The following DNAH7 variants were observed in gnomAD, a reference collection of about 807,000 sequenced individuals.
DNAH7 encodes the protein dynein axonemal heavy chain 7.
A neutral mutation model predicts 444.6 loss-of-function variants in DNAH7; 397 were observed. The observed-to-expected ratio is 0.89, with a 90% confidence interval of 0.82 to 0.97. The LOEUF (loss-of-function observed/expected upper bound fraction) is 0.97. Among genes scored for constraint, DNAH7 ranks in the 50% least tolerant of loss-of-function variants. DNAH7 has a pLI of 0.00. For synonymous variants in DNAH7, 1,636 were observed against 1,624.4 expected, an observed-to-expected ratio of 1.01 and a Z score of -0.17; for missense variants, 4,902 against 4,800.8, an observed-to-expected ratio of 1.02 and a Z score of -0.62.
At chr2:195,828,660 T>G (rs1697911399) in intron 48 of DNAH7, among the ~76,000 whole-genome samples, 1 of 150,210 alleles carries the variant, frequency 6.7e-6, no homozygotes. Context: ...TCCTTTCCCA[T>G]CAAAGGACTA....
chr2:195,790,461 T>A (rs1695826952), intron 57 of DNAH7, among the ~76,000 whole-genome samples: 1 of 143,442 alleles, frequency 7.0e-6, no homozygotes, highest in African/African-American at 2.6e-5. Context: ...AGCATGGTAC[T>A]GGTTAAAAAA....
At chr2:195,916,338 T>G (rs1417204274) in intron 24 of DNAH7, among the ~76,000 whole-genome samples, 1 of 152,196 alleles carries the variant, frequency 6.6e-6, no homozygotes, top group African/African-American at 2.4e-5. Context: ...TTCTTTTCTT[T>G]TTTTTGAGAC....
At chr2:195,833,923 G>T (rs73062489) in intron 48 of DNAH7, among the ~76,000 whole-genome samples, 9,566 of 152,020 alleles carry the variant, frequency 0.063, 414 homozygotes, top group African/African-American at 0.12. Context: ...CCTGGCTAAT[G>T]TCTGTATTTT....
Position 195,737,887 on chromosome 2 carries a change from C to T in DNAH7, c.*34G>A, listed in dbSNP as rs1559058872. On this transcript the variant is annotated 3_prime_UTR_variant, in exon 65 of 65. Coordinates refer to ENST00000312428, the MANE Select transcript of DNAH7 (RefSeq NM_018897.3). ...ATGCTTTCTCTACTCAGCCAGCCAA[C>T]AAGAAATAGGAACAAGGAAATGATG... The T allele has an allele frequency of 6.5e-7, 1 of 1,541,984 alleles. No homozygotes were observed. Among genetic ancestry groups the T allele is most frequent in the South Asian group, 1.1e-5 (1 of 87,238 alleles).
At chr2:195,855,123 C>G (rs1250292663) in intron 45 of DNAH7, among the ~76,000 whole-genome samples, 1 of 152,146 alleles carries the variant, frequency 6.6e-6, no homozygotes, top group Non-Finnish European at 1.5e-5. Flanking sequence ...ATCATTACTT[C>G]CCTCAAAAGG....
intron 5 of DNAH7, among the ~76,000 whole-genome samples, chr2:196,030,728 A>G (rs1470618173): frequency 1.3e-5 from 2 of 152,226 alleles, no homozygotes; most frequent in Non-Finnish European, 2.9e-5. Flanking sequence ...AAAATTTTAA[A>G]GCTCCAAAAT....
Position 195,884,690 on chromosome 2 carries a change from T to C in DNAH7, c.5658A>G (p.Arg1886=). The change falls in exon 35 of 65, where the codon CGA becomes CGG. Residue 1886 remains arginine, a synonymous_variant. Transcript: ENST00000312428. ...TACCACTCTGTAATTTAAACGTATT[T>C]CGAGTTCGATCTGAAATTGGACTTT... ...LMESPISDRT[R]NTFKLQSGTE... The C allele has an allele frequency of 6.2e-7, 1 of 1,614,210 alleles. No homozygotes were observed. Among genetic ancestry groups the C allele is most frequent in the Non-Finnish European group, 8.5e-7 (1 of 1,180,010 alleles).
intron 17 of DNAH7, among the ~76,000 whole-genome samples, chr2:195,966,335 T>A (rs1252940175): frequency 2.6e-5 from 4 of 152,204 alleles, no homozygotes; most frequent in South Asian, 2.1e-4. Context: ...TTTCCTTTTT[T>A]AAAATGTTTT....
intron 47 of DNAH7, among the ~76,000 whole-genome samples, chr2:195,844,257 A>C (rs908495156): frequency 2.6e-5 from 4 of 152,202 alleles, no homozygotes; most frequent in African/African-American, 9.7e-5. Flanking sequence ...CCTAACAATT[A>C]GTCAAAATAG....
chr2:195,760,890 T>C (rs779173314), intron 61 of DNAH7, among the ~76,000 whole-genome samples: 5 of 151,516 alleles, frequency 3.3e-5, no homozygotes, highest in Non-Finnish European at 7.4e-5. Flanking sequence ...CTGACAAACA[T>C]CCACAAGCAT....
intron 57 of DNAH7, among the ~76,000 whole-genome samples, chr2:195,793,805 A>T (rs1696007520): frequency 6.6e-6 from 1 of 152,232 alleles, no homozygotes; most frequent in South Asian, 2.1e-4. Context: ...AACGCTGTGA[A>T]ACAATTTTAG....
In DNAH7 at chr2:195,760,272, G is replaced by A. The variant is rs997591861; in HGVS notation, c.11434-3987C>T. ...GCAGCAGTAGAACAGAGCACCAGGT[G>A]AATTCTTAAGGTTTCAGGCTGTAGG... On this transcript the variant is annotated intron_variant, in intron 61 of 64. Transcript: ENST00000312428. 9.9e-5 allele frequency among the ~76,000 whole-genome samples: 15 copies of A among 151,418 alleles called. No individual in the cohort carries two copies. The East Asian group carries it at 2.9e-3, about 29-fold the overall frequency.
chr2:195,831,300 G>A (rs1374880194), intron 48 of DNAH7, among the ~76,000 whole-genome samples: 1 of 152,098 alleles, frequency 6.6e-6, no homozygotes, highest in Non-Finnish European at 1.5e-5. Context: ...TTTCAAAGAG[G>A]ATCTTATCAT....
At chr2:195,884,079 T>C (rs1701572953) in intron 35 of DNAH7, among the ~76,000 whole-genome samples, 1 of 148,218 alleles carries the variant, frequency 6.7e-6, no homozygotes, top group Non-Finnish European at 1.5e-5. Flanking sequence ...TTAAATAACA[T>C]ATATTCCTAA....
At chr2:195,911,682 T>C (rs1260749208) in intron 24 of DNAH7, among the ~76,000 whole-genome samples, 2 of 152,160 alleles carry the variant, frequency 1.3e-5, no homozygotes, top group Non-Finnish European at 2.9e-5. Flanking sequence ...GCCAGGAGAA[T>C]AACGAGTTTT....
At chr2:195,783,209 T>A (rs560273852) in intron 58 of DNAH7, among the ~76,000 whole-genome samples, 5 of 152,228 alleles carry the variant, frequency 3.3e-5, no homozygotes, top group Non-Finnish European at 7.3e-5. Flanking sequence ...ATCCATTGTA[T>A]CTCTACCATG....
At position 195,923,752 on chromosome 2, in the gene DNAH7, A is replaced by G. The variant is rs1318164888; in HGVS notation, c.3668T>C (p.Leu1223Ser). Residue 1223 changes from leucine to serine, a missense_variant, in exon 23 of 65, where the codon TTG (leucine) becomes TCG (serine). By Grantham distance (145) the Leu-to-Ser change is moderately radical. Transcript: ENST00000312428. The stretch of plus-strand genomic sequence containing the variant: ...CTGCATGGACAATTTGCCACGCACC[A>G]AAGTGACAATATCATCAATTTGTCT... ...CNRQIDDIVTLVRGKLSMQNR... is the reference protein window; with the variant it reads ...CNRQIDDIVTSVRGKLSMQNR... 2.5e-6 allele frequency: 4 copies of G among 1,614,054 alleles called. No homozygotes were observed. The highest frequency in any genetic ancestry group is 1.3e-5 in the African/African-American group (1 of 74,922).
At chr2:195,916,826 G>A (rs1198756112) in intron 24 of DNAH7, among the ~76,000 whole-genome samples, 2 of 151,680 alleles carry the variant, frequency 1.3e-5, no homozygotes, top group South Asian at 2.1e-4. Flanking sequence ...TCAGCCGGGC[G>A]TGGTGGCTCA....
intron 46 of DNAH7, 102 bp from the exon 47 acceptor site, chr2:195,845,267 C>A: frequency 1.1e-6 from 1 of 910,594 alleles, no homozygotes. Flanking sequence ...GTCAACAAAC[C>A]ATTGTGGAAA....
Sources: gnomAD v4.1 joint callset for allele counts (sites outside exome capture counted in the v4.1 genomes callset) on GRCh38, gnomAD v4.1.1 for gene constraint, MANE v1.5 for transcripts, NCBI Gene and HGNC (gene_info 2026-07-23, HGNC 2026-07-21) for gene names.